CLASP1: variants seen among roughly 807,000 people sequenced by gnomAD.
CLASP1 encodes cytoplasmic linker associated protein 1, also known as CLIP-associating protein 1.
CLASP1 carries 38 observed loss-of-function variants against 192.3 expected under a neutral mutation model. The ratio of observed to expected loss-of-function variants is 0.20; its 90% CI spans 0.15 to 0.26. CLASP1 has a LOEUF of 0.26. Among genes scored for constraint, CLASP1 ranks in the 10% least tolerant of loss-of-function variants. The pLI, the probability that CLASP1 is intolerant of heterozygous loss-of-function variation, is 1.00. For missense variants in CLASP1, 1,433 were observed against 1,932.5 expected (o/e 0.74, Z 4.85); for synonymous variants, 691 against 712.8 (o/e 0.97, Z 0.49).
intron 30 of CLASP1, among the ~76,000 whole-genome samples, chr2:121,393,663 G>A (rs192868182): frequency 6.6e-5 from 10 of 151,980 alleles, no homozygotes; most frequent in African/African-American, 1.9e-4. Flanking sequence ...AATGTTCAAC[G>A]GATGCTACAT....
chr2:121,418,780 A>T (rs780953401), intron 22 of CLASP1, 51 bp from the exon 23 acceptor site: 2 of 1,248,402 alleles, frequency 1.6e-6, no homozygotes, highest in Non-Finnish European at 2.3e-6. Context: ...TTTAATGAAG[A>T]CAGATAAACT....
At chr2:121,644,144 C>T (rs554962861) in intron 1 of CLASP1, among the ~76,000 whole-genome samples, 78 of 152,246 alleles carry the variant, frequency 5.1e-4, no homozygotes, top group Middle Eastern at 6.8e-3. Flanking sequence ...CTGCCCTCCC[C>T]TCACCCTCAT....
At chr2:121,462,662 C>T (rs1245343797) in intron 9 of CLASP1, 57 bp from the exon 10 acceptor site, 2 of 990,130 alleles carry the variant, frequency 2.0e-6, no homozygotes, top group Non-Finnish European at 3.1e-6. Context: ...ATAACACATA[C>T]ACTGAAGAAG....
Position 121,536,981 on chromosome 2 carries a change from T to C in CLASP1, c.196-6656A>G, listed in dbSNP as rs144498115. On this transcript the variant is annotated intron_variant, in intron 2 of 39. Transcript: ENST00000263710. The stretch of plus-strand genomic sequence containing the variant: ...ACAATTAGAAATAACTTTTAAACAA[T>C]AGCTGATGGTTATGAAGCTTGTGTT... Among the ~76,000 whole-genome samples the C allele has an allele frequency of 1.8e-3, 271 of 152,310 alleles. 1 individual carries two copies. The highest frequency in any genetic ancestry group is 2.5e-3 in the Non-Finnish European group (173 of 68,022).
chr2:121,598,229 T>C (rs556597365), intron 2 of CLASP1, among the ~76,000 whole-genome samples: 2 of 152,334 alleles, frequency 1.3e-5, no homozygotes, highest in African/African-American at 4.8e-5. Flanking sequence ...CTTATTTAAA[T>C]AACCAATTAC....
intron 2 of CLASP1, among the ~76,000 whole-genome samples, chr2:121,533,242 G>C (rs1449195437): frequency 6.6e-6 from 1 of 152,166 alleles, no homozygotes; most frequent in African/African-American, 2.4e-5. Flanking sequence ...GGACAGGAGA[G>C]GTCCAGGGTG....
chr2:121,397,151 C>G, exon 30 of CLASP1: 1 of 1,613,884 alleles, frequency 6.2e-7, no homozygotes, highest in Non-Finnish European at 8.5e-7. Context: ...TTTCTCACGT[C>G]TGAACTCTTT....
chr2:121,354,330 C>T (rs771406114), intron 37 of CLASP1, among the ~76,000 whole-genome samples: 1 of 152,178 alleles, frequency 6.6e-6, no homozygotes, highest in Non-Finnish European at 1.5e-5. Flanking sequence ...TTTTTCCAGT[C>T]ACCAATTGTC....
intron 20 of CLASP1, among the ~76,000 whole-genome samples, chr2:121,427,974 C>T (rs1428024203): frequency 1.3e-5 from 2 of 152,144 alleles, no homozygotes; most frequent in East Asian, 3.8e-4. Context: ...AGATTTACCA[C>T]TTATTAAAAT....
At chr2:121,642,293 T>G (rs2072244918) in intron 1 of CLASP1, among the ~76,000 whole-genome samples, 1 of 145,206 alleles carries the variant, frequency 6.9e-6, no homozygotes, top group African/African-American at 2.6e-5. Flanking sequence ...GGCGCACACC[T>G]GGCTAATCCC....
At chr2:121,386,365 T>C (rs1046445707) in intron 32 of CLASP1, among the ~76,000 whole-genome samples, 2 of 152,162 alleles carry the variant, frequency 1.3e-5, no homozygotes, top group Non-Finnish European at 2.9e-5. Context: ...TGTGTGCCCC[T>C]TGCTGGTCCA....
chr2:121,505,653 A>G (rs755631474), intron 7 of CLASP1, among the ~76,000 whole-genome samples: 78 of 152,232 alleles, frequency 5.1e-4, no homozygotes, highest in Admixed American at 9.2e-4. Context: ...CATTGAATAC[A>G]TAACTAATGA....
intron 1 of CLASP1, among the ~76,000 whole-genome samples, chr2:121,612,528 GAGA>G (rs2065790781): frequency 6.6e-6 from 1 of 151,786 alleles, no homozygotes; most frequent in African/African-American, 2.4e-5. Context: ...GGAGTTGGAA[GAGA>G]AGGAGAAAAA....
intron 26 of CLASP1, chr2:121,402,752 A>G (rs2076324529): frequency 8.6e-6 from 4 of 464,472 alleles, no homozygotes; most frequent in South Asian, 4.9e-5. Context: ...AATTATGCTT[A>G]TGAGTTAAAT....
chr2:121,387,009 A>C, intron 32 of CLASP1, 113 bp downstream of exon 33: 2 of 867,712 alleles, frequency 2.3e-6, no homozygotes, highest in Non-Finnish European at 3.8e-6. Context: ...GGTTCTTGAT[A>C]CTCAATATTC....
intron 1 of CLASP1, among the ~76,000 whole-genome samples, chr2:121,612,004 G>A (rs1450466604): frequency 6.7e-6 from 1 of 149,904 alleles, no homozygotes; most frequent in African/African-American, 2.5e-5. Flanking sequence ...GGAGGAGGAG[G>A]AGAAGGAGTT....
chr2:121,406,751 G>A (rs149685603), intron 25 of CLASP1, among the ~76,000 whole-genome samples: 109 of 152,080 alleles, frequency 7.2e-4, no homozygotes, highest in African/African-American at 2.3e-3. Context: ...CACCACATCC[G>A]GCTAATGTTT....
rs988624672 is a variant in CLASP1, at chr2:121,352,836, T to C, written c.4207-4118A>G. Among the ~76,000 whole-genome samples the C allele has an allele frequency of 2.0e-5, 3 of 152,014 alleles. No individual in the cohort carries two copies. The East Asian group carries it at 5.8e-4, about 29-fold the overall frequency. ...ACCCAGCTAATTTTTGTATTTTTAG[T>C]AGAGACGGGGTTTCACCACGTTGAC... On this transcript the variant is annotated intron_variant, in intron 37 of 39. Transcript: ENST00000263710.
intron 8 of CLASP1, among the ~76,000 whole-genome samples, chr2:121,495,846 A>G (rs2093511061): frequency 6.6e-6 from 1 of 152,192 alleles, no homozygotes; most frequent in Non-Finnish European, 1.5e-5. Context: ...AGCACCAACC[A>G]TGTCCCAGGC....
Sources: gnomAD v4.1 joint callset for allele counts (sites outside exome capture counted in the v4.1 genomes callset) on GRCh38, gnomAD v4.1.1 for gene constraint, MANE v1.5 for transcripts, NCBI Gene and HGNC (gene_info 2026-07-23, HGNC 2026-07-21) for gene names.